The following CEP89 variants were observed in gnomAD, a reference collection of about 807,000 sequenced individuals.
CEP89 encodes centrosomal protein of 89 kDa.
Under a neutral mutation model 97.6 loss-of-function variants are expected in CEP89, and 95 were observed. The observed-to-expected ratio is 0.97, with a 90% confidence interval of 0.82 to 1.15. CEP89 has a LOEUF of 1.15. Ranked by LOEUF, CEP89 falls within the 50% of genes most tolerant of loss-of-function variation. CEP89 has a pLI of 0.00. For missense variants in CEP89, 869 were observed against 947.7 expected (o/e 0.92, Z 1.09); for synonymous variants, 354 against 349.1 (o/e 1.01, Z -0.16).
At chr19:32,898,247 A>AG (rs1244460287) in intron 16 of CEP89, among the ~76,000 whole-genome samples, 1 of 152,232 alleles carries the variant, frequency 6.6e-6, no homozygotes, top group Non-Finnish European at 1.5e-5. Flanking sequence ...ATGGAACTGG[A>AG]GGCCATTACG....
At chr19:32,901,166 G>A (rs958175240) in intron 15 of CEP89, 79 bp downstream of exon 15, 1 of 1,372,774 alleles carries the variant, frequency 7.3e-7, no homozygotes, top group Non-Finnish European at 1.0e-6. Flanking sequence ...GATTACAGGA[G>A]TGAGCCACTG....
Position 32,948,356 on chromosome 19 carries a change from G to A in CEP89, c.505C>T (p.His169Tyr). 7 of 1,603,434 alleles carry A rather than the reference G, an allele frequency of 4.4e-6. No homozygotes were observed. The highest frequency in any genetic ancestry group is 4.3e-6 in the Non-Finnish European group (5 of 1,174,456). Reference sequence around the variant, plus strand: ...TCATCGTCTTCACTGTTCACCTCATGTAACAATGGCACCTTTTTGTTATAA... The same window carrying A: ...TCATCGTCTTCACTGTTCACCTCATATAACAATGGCACCTTTTTGTTATAA... ...VPHRNQVPLL[H>Y]EVNSEDDENI... The change falls in exon 5 of 19, where the codon CAT (histidine) becomes TAT (tyrosine). Residue 169 changes from histidine (H) to tyrosine (Y), a missense_variant. Transcript: ENST00000305768.
intron 16 of CEP89, among the ~76,000 whole-genome samples, chr19:32,898,439 T>C (rs977966307): frequency 6.6e-6 from 1 of 152,004 alleles, no homozygotes; most frequent in Admixed American, 6.6e-5. Flanking sequence ...TGAAGAGAGG[T>C]TGCTTAATAG....
At chr19:32,931,258 G>T in intron 9 of CEP89, 171 bp downstream of exon 9, 1 of 578,692 alleles carries the variant, frequency 1.7e-6, no homozygotes, top group African/African-American at 1.9e-5. Flanking sequence ...TTACGGGGAA[G>T]AAGGAAGGGA....
At chr19:32,949,910 C>T (rs917372588) in intron 4 of CEP89, among the ~76,000 whole-genome samples, 1 of 152,106 alleles carries the variant, frequency 6.6e-6, no homozygotes, top group Non-Finnish European at 1.5e-5. Context: ...AAGGCTGCTA[C>T]GTCCACCTGT....
chr19:32,932,839 A>C (rs1317304956), intron 8 of CEP89, among the ~76,000 whole-genome samples: 1 of 151,952 alleles, frequency 6.6e-6, no homozygotes, highest in Non-Finnish European at 1.5e-5. Context: ...AGTCCCAGCT[A>C]CTCAGGAGGC....
At chr19:32,958,536 G>A (rs554320287) in intron 3 of CEP89, among the ~76,000 whole-genome samples, 10 of 151,466 alleles carry the variant, frequency 6.6e-5, no homozygotes, top group South Asian at 6.2e-4. Flanking sequence ...AAAATTAGCC[G>A]GGAGAGGTGG....
At chr19:32,939,408 G>GGCTC (rs1259945852) in intron 6 of CEP89, among the ~76,000 whole-genome samples, 45 of 152,166 alleles carry the variant, frequency 3.0e-4, no homozygotes, top group Admixed American at 5.9e-4. Context: ...CAGGCACAGT[G>GGCTC]GCTCATGCCT....
At chr19:32,964,194 T>C (rs1364448915) in intron 2 of CEP89, among the ~76,000 whole-genome samples, 1 of 151,548 alleles carries the variant, frequency 6.6e-6, no homozygotes, top group Non-Finnish European at 1.5e-5. Context: ...TTTTTTGAGA[T>C]ATAAGTCTCG....
intron 16 of CEP89, among the ~76,000 whole-genome samples, chr19:32,888,062 GAGA>G (rs993482200): frequency 4.6e-5 from 7 of 152,210 alleles, no homozygotes; most frequent in African/African-American, 1.7e-4. Context: ...TCGACACAAA[GAGA>G]AGAATTCCAG....
In CEP89 at chr19:32,878,974, A is replaced by T. The variant is rs1009116797; in HGVS notation, c.*188T>A. The T allele has an allele frequency of 4.3e-6, 2 of 466,278 alleles. No homozygotes were observed. The highest frequency in any genetic ancestry group is 2.0e-5 in the African/African-American group (1 of 49,530). 28.9% of individuals were successfully genotyped at this position (466,278 alleles called of 1,614,324 possible). On this transcript the variant is annotated 3_prime_UTR_variant, in exon 19 of 19. Coordinates refer to ENST00000305768, the MANE Select transcript of CEP89 (RefSeq NM_032816.5). Reference sequence around the variant, plus strand: ...GAGACCCTAGCTCTAAAAAAAAAAAAAAATTAAAAAATAAAGCAAAATGTT... The same window carrying T: ...GAGACCCTAGCTCTAAAAAAAAAAATAAATTAAAAAATAAAGCAAAATGTT...
chr19:32,957,987 T>C (rs1486593638), intron 3 of CEP89, among the ~76,000 whole-genome samples: 3 of 148,656 alleles, frequency 2.0e-5, no homozygotes, highest in African/African-American at 7.5e-5. Flanking sequence ...CAGAATGAGA[T>C]CCTGTGTCAA....
rs150748673 is a variant in CEP89, at chr19:32,960,075, C to A, written c.147-17G>T. The A allele has an allele frequency of 6.2e-5, 100 of 1,613,708 alleles. 1 individual carries two copies. The African/African-American group carries it at 1.0e-3, about 16-fold the overall frequency. ...AGAGCAGATCTGCGGACAAAAACATCCCATGGAGACAGTGAGACATGAACA... is the reference window on the plus strand; with the variant it reads ...AGAGCAGATCTGCGGACAAAAACATACCATGGAGACAGTGAGACATGAACA... On this transcript the variant is annotated splice_polypyrimidine_tract_variant and intron_variant, in intron 2 of 18. Coordinates refer to ENST00000305768, the MANE Select transcript of CEP89 (RefSeq NM_032816.5).
intron 5 of CEP89, among the ~76,000 whole-genome samples, chr19:32,947,128 G>A (rs1970813755): frequency 6.6e-6 from 1 of 152,280 alleles, no homozygotes; most frequent in South Asian, 2.1e-4. Context: ...CTCTAGGGCT[G>A]CTGATAAAGT....
At chr19:32,959,000 A>G (rs143671455) in intron 3 of CEP89, among the ~76,000 whole-genome samples, 3 of 151,812 alleles carry the variant, frequency 2.0e-5, no homozygotes, top group African/African-American at 7.3e-5. Flanking sequence ...CTGGGCAACA[A>G]GAGTGAAATT....
At chr19:32,882,438 C>T (rs1438418147) in intron 17 of CEP89, among the ~76,000 whole-genome samples, 1 of 151,930 alleles carries the variant, frequency 6.6e-6, no homozygotes, top group East Asian at 1.9e-4. Context: ...TAGTGCATGC[C>T]TGTAGTCCCA....
At chr19:32,929,163 G>A (rs1057258421) in intron 9 of CEP89, among the ~76,000 whole-genome samples, 15 of 152,092 alleles carry the variant, frequency 9.9e-5, no homozygotes, top group African/African-American at 2.9e-4. Flanking sequence ...ACACTGCAAC[G>A]CAACCCTTGT....
chr19:32,907,231 C>T (rs1969905748), intron 14 of CEP89, among the ~76,000 whole-genome samples: 2 of 152,120 alleles, frequency 1.3e-5, no homozygotes, highest in Admixed American at 6.6e-5. Flanking sequence ...CACGATGGCG[C>T]GTGACTATAG....
At chr19:32,921,840 G>A (rs932332152) in intron 12 of CEP89, among the ~76,000 whole-genome samples, 10 of 152,074 alleles carry the variant, frequency 6.6e-5, no homozygotes, top group South Asian at 2.1e-4. Flanking sequence ...CTGACGCATC[G>A]GTGACCACAA....
Sources: allele counts gnomAD v4.1 joint callset (sites outside exome capture counted in the v4.1 genomes callset), GRCh38; gene constraint gnomAD v4.1.1; transcripts MANE v1.5; gene names NCBI Gene and HGNC (gene_info 2026-07-23, HGNC 2026-07-21).